SDK1: variants seen among roughly 807,000 people sequenced by gnomAD.
SDK1 encodes the protein protein sidekick-1.
A neutral mutation model predicts 245.5 loss-of-function variants in SDK1; 157 were observed. The ratio of observed to expected loss-of-function variants is 0.64; its 90% confidence interval spans 0.56 to 0.73. The LOEUF is 0.73. SDK1 is among the 30% of genes least tolerant of loss of function. The pLI, the probability that SDK1 is intolerant of heterozygous loss-of-function variation, is 0.00. For synonymous variants in SDK1, 1,647 were observed against 1,278.5 expected, an observed-to-expected ratio of 1.29 and a Z score of -6.15; for missense variants, 3,583 against 3,002.3, an observed-to-expected ratio of 1.19 and a Z score of -4.52.
intron 22 of SDK1, among the ~76,000 whole-genome samples, chr7:4,104,163 G>A (rs942582354): frequency 2.0e-5 from 3 of 152,160 alleles, no homozygotes; most frequent in East Asian, 1.9e-4. Flanking sequence ...GAGCTCAAGC[G>A]ATCCTCCTGC....
At chr7:3,640,614 ACT>A (rs1282974253) in intron 3 of SDK1, among the ~76,000 whole-genome samples, 1 of 151,936 alleles carries the variant, frequency 6.6e-6, no homozygotes, top group Non-Finnish European at 1.5e-5. Flanking sequence ...AAATTATTAA[ACT>A]CTGTTTTATA....
At chr7:3,691,722 G>A (rs956842801) in intron 4 of SDK1, among the ~76,000 whole-genome samples, 4 of 152,162 alleles carry the variant, frequency 2.6e-5, no homozygotes, top group African/African-American at 9.7e-5. Context: ...CTAGTTTCAG[G>A]TGTGAATGCG....
chr7:3,736,030 A>G (rs1253015719), intron 4 of SDK1, among the ~76,000 whole-genome samples: 1 of 151,996 alleles, frequency 6.6e-6, no homozygotes, highest in African/African-American at 2.4e-5. Context: ...TTTTTTAATC[A>G]GGTTATTTGT....
intron 1 of SDK1, among the ~76,000 whole-genome samples, chr7:3,344,687 A>G (rs958057696): frequency 6.6e-6 from 1 of 152,204 alleles, no homozygotes. Context: ...GACTGGACGT[A>G]ATGGCATGCT....
chr7:3,836,111 CATT>C (rs1432763809), intron 5 of SDK1, among the ~76,000 whole-genome samples: 1 of 152,172 alleles, frequency 6.6e-6, no homozygotes, highest in Admixed American at 6.5e-5. Context: ...CCACAGGCCT[CATT>C]AGTCTCATGA....
At chr7:4,254,631 T>C (rs1787518674) in intron 44 of SDK1, among the ~76,000 whole-genome samples, 1 of 138,134 alleles carries the variant, frequency 7.2e-6, no homozygotes, top group South Asian at 2.2e-4. Context: ...AGCTACCTTC[T>C]TTTTTTTTTT....
At chr7:3,669,182 T>A (rs761803132) in intron 4 of SDK1, among the ~76,000 whole-genome samples, 2 of 152,190 alleles carry the variant, frequency 1.3e-5, no homozygotes, top group Non-Finnish European at 2.9e-5. Context: ...TGTTGAATAT[T>A]TTGAAAAGCA....
chr7:4,020,206 C>T (rs1786775604), intron 17 of SDK1, among the ~76,000 whole-genome samples: 1 of 152,078 alleles, frequency 6.6e-6, no homozygotes, highest in East Asian at 1.9e-4. Flanking sequence ...CAGTTACTGG[C>T]CAGAGTGTTA....
chr7:4,047,073 A>G (rs773113631), intron 17 of SDK1, among the ~76,000 whole-genome samples: 3 of 152,038 alleles, frequency 2.0e-5, no homozygotes, highest in Non-Finnish European at 2.9e-5. Flanking sequence ...ACTTGTATCT[A>G]TTTTATGTTT....
At chr7:3,487,715 C>A (rs1180565623) in intron 1 of SDK1, among the ~76,000 whole-genome samples, 3 of 140,262 alleles carry the variant, frequency 2.1e-5, no homozygotes, top group Non-Finnish European at 4.6e-5. Context: ...TGATCATGCC[C>A]CTGCATTGCA....
At chr7:3,415,380 G>C (rs992391974) in intron 1 of SDK1, among the ~76,000 whole-genome samples, 1 of 152,124 alleles carries the variant, frequency 6.6e-6, no homozygotes, top group African/African-American at 2.4e-5. Flanking sequence ...AGAGAAGTGT[G>C]TAGAGAAGTT....
chr7:4,072,553 G>T (rs1780319671), intron 20 of SDK1, among the ~76,000 whole-genome samples: 1 of 152,216 alleles, frequency 6.6e-6, no homozygotes, highest in Non-Finnish European at 1.5e-5. Context: ...AGTGGAACAT[G>T]CTGGCAGCAC....
chr7:3,528,380 G>T (rs1279706388), intron 1 of SDK1, among the ~76,000 whole-genome samples: 1 of 151,512 alleles, frequency 6.6e-6, no homozygotes, highest in South Asian at 2.1e-4. Context: ...CAGCTAGGGG[G>T]TGAGTGGTGG....
chr7:3,409,133 G>C (rs2128576682), intron 1 of SDK1, among the ~76,000 whole-genome samples: 1 of 152,236 alleles, frequency 6.6e-6, no homozygotes, highest in Non-Finnish European at 1.5e-5. Flanking sequence ...AACAAAACCA[G>C]ATCATATGAA....
At chr7:4,088,099 G>A (rs562631679) in intron 22 of SDK1, among the ~76,000 whole-genome samples, 41 of 152,274 alleles carry the variant, frequency 2.7e-4, no homozygotes, top group Non-Finnish European at 4.4e-4. Flanking sequence ...ACCTGCCGAG[G>A]TCACACAGCC....
In SDK1 at chr7:3,619,235, TATAAG is replaced by T; in HGVS notation, c.455_458+1del. On this transcript the variant is annotated splice_donor_variant and coding_sequence_variant, in exon 2 of 45. Coordinates refer to ENST00000404826, the MANE Select transcript of SDK1 (RefSeq NM_152744.4). LOFTEE classifies it high-confidence loss of function. ...TGAGCTCACCACCTACAGCAGCGAA[TATAAG>T]TAATTGATCGCTTGAAAAAATAAGA... The T allele has an allele frequency of 6.2e-7, 1 of 1,601,362 alleles. No homozygotes were observed. Among genetic ancestry groups the T allele is most frequent in the South Asian group, 1.1e-5 (1 of 90,520 alleles).
intron 5 of SDK1, among the ~76,000 whole-genome samples, chr7:3,926,554 T>C (rs1005750357): frequency 2.0e-5 from 3 of 151,100 alleles, no homozygotes; most frequent in African/African-American, 4.9e-5. Flanking sequence ...CTGACTTCTT[T>C]GGGCGCAGGT....
At chr7:3,629,058 G>A (rs1385933883) in intron 2 of SDK1, among the ~76,000 whole-genome samples, 6 of 151,822 alleles carry the variant, frequency 4.0e-5, no homozygotes, top group East Asian at 1.9e-4. Flanking sequence ...TTTGGGAGGC[G>A]GAGACGGGCA....
intron 14 of SDK1, among the ~76,000 whole-genome samples, chr7:3,994,627 A>T (rs1209793802): frequency 1.3e-5 from 2 of 148,886 alleles, no homozygotes; most frequent in Non-Finnish European, 3.0e-5. Context: ...GGGAGACAGA[A>T]TGAGACTTCA....
Sources: gnomAD v4.1 joint callset for allele counts (sites outside exome capture counted in the v4.1 genomes callset) on GRCh38, gnomAD v4.1.1 for gene constraint, MANE v1.5 for transcripts, NCBI Gene and HGNC (gene_info 2026-07-23, HGNC 2026-07-21) for gene names.